KCNH8: variants seen among roughly 807,000 people sequenced by gnomAD.
KCNH8 encodes the protein voltage-gated delayed rectifier potassium channel KCNH8.
In KCNH8, 70 loss-of-function variants were observed where a neutral mutation model predicts 103.6. The ratio of observed to expected loss-of-function variants is 0.68; its 90% CI spans 0.56 to 0.82. The LOEUF is 0.82. Among genes scored for constraint, KCNH8 ranks in the 40% least tolerant of loss-of-function variants. The probability of loss-of-function intolerance (pLI) is 0.00; values close to 1 mark genes in which losing one functional copy is unlikely to be tolerated. For missense variants in KCNH8, 1,217 were observed against 1,329.9 expected, an observed-to-expected ratio of 0.92 and a Z score of 1.32; for synonymous variants, 498 against 489.4, an observed-to-expected ratio of 1.02 and a Z score of -0.23.
At chr3:19,411,345 A>G (rs2066775720) in intron 7 of KCNH8, among the ~76,000 whole-genome samples, 1 of 152,108 alleles carries the variant, frequency 6.6e-6, no homozygotes, top group South Asian at 2.1e-4. Context: ...TGAAGAAACT[A>G]GGCATCAAAA....
At chr3:19,255,297 C>A (rs1000475194) in intron 2 of KCNH8, among the ~76,000 whole-genome samples, 12 of 152,100 alleles carry the variant, frequency 7.9e-5, no homozygotes, top group Admixed American at 3.3e-4. Flanking sequence ...GTGTTATTTT[C>A]TTATGGCAGC....
At chr3:19,397,669 TACTC>T (rs2066544240) in intron 7 of KCNH8, among the ~76,000 whole-genome samples, 2 of 151,728 alleles carry the variant, frequency 1.3e-5, no homozygotes, top group African/African-American at 4.8e-5. Flanking sequence ...TTGATAATCT[TACTC>T]ATTTATGATA....
At position 19,299,077 on chromosome 3, in the gene KCNH8, A is replaced by G. The variant is rs552375970; in HGVS notation, c.442+17748A>G. On this transcript the variant is annotated intron_variant, in intron 3 of 15. Transcript: ENST00000328405. ...TTGAAGACACCAGCATAAATCTGGG[A>G]CAACTGAAAGGTGACACTGACAGTG... 7.6e-4 allele frequency among the ~76,000 whole-genome samples: 115 copies of G among 152,264 alleles called. No homozygotes were observed. The Middle Eastern group carries it at 0.01, about 14-fold the overall frequency.
chr3:19,500,918 A>C (rs554179932), intron 11 of KCNH8, among the ~76,000 whole-genome samples: 6 of 152,328 alleles, frequency 3.9e-5, no homozygotes, highest in African/African-American at 1.2e-4. Flanking sequence ...GCAAGAAATA[A>C]CTAAGATCAG....
chr3:19,329,720 A>G (rs908101179), intron 3 of KCNH8, among the ~76,000 whole-genome samples: 1 of 152,180 alleles, frequency 6.6e-6, no homozygotes, highest in African/African-American at 2.4e-5. Flanking sequence ...GATGTTAGGG[A>G]TAGCACTAAG....
At chr3:19,373,627 T>C (rs1395317112) in intron 5 of KCNH8, among the ~76,000 whole-genome samples, 1 of 152,112 alleles carries the variant, frequency 6.6e-6, no homozygotes, top group Non-Finnish European at 1.5e-5. Flanking sequence ...GCTCTGATCT[T>C]AGTTATTTCT....
intron 8 of KCNH8, among the ~76,000 whole-genome samples, chr3:19,440,632 A>T (rs1048242705): frequency 1.3e-5 from 2 of 152,094 alleles, no homozygotes; most frequent in African/African-American, 4.8e-5. Flanking sequence ...TCCCCACAAC[A>T]CGTGGGGATT....
Position 19,533,566 on chromosome 3 carries a change from C to CA in KCNH8, c.2792dup (p.His931GlnfsTer21). 1 of 1,614,190 alleles carries CA rather than the reference C, an allele frequency of 6.2e-7. No homozygotes were observed. The highest frequency in any genetic ancestry group is 8.5e-7 in the Non-Finnish European group (1 of 1,180,040). ...ACAGACCAGAACGAGCTGGAGTGCACACCAGCCTTGCCTACACTTGCAAAC... is the reference window on the plus strand; with the variant it reads ...ACAGACCAGAACGAGCTGGAGTGCACAACCAGCCTTGCCTACACTTGCAAAC... On this transcript the variant is annotated frameshift_variant, in exon 16 of 16. Transcript: ENST00000328405. LOFTEE classifies it high-confidence loss of function.
At chr3:19,283,507 C>T (rs901790242) in intron 3 of KCNH8, among the ~76,000 whole-genome samples, 3 of 151,988 alleles carry the variant, frequency 2.0e-5, no homozygotes, top group African/African-American at 7.2e-5. Flanking sequence ...AACATTATCT[C>T]ATATAAAAAT....
At chr3:19,279,011 CG>C (rs1240930318) in intron 2 of KCNH8, among the ~76,000 whole-genome samples, 1 of 152,092 alleles carries the variant, frequency 6.6e-6, no homozygotes, top group Non-Finnish European at 1.5e-5. Flanking sequence ...TTAATAGCCT[CG>C]GTTATGATTT....
chr3:19,315,829 A>G (rs1230133906), intron 3 of KCNH8, among the ~76,000 whole-genome samples: 1 of 151,968 alleles, frequency 6.6e-6, no homozygotes, highest in African/African-American at 2.4e-5. Context: ...TTTTCTTTTA[A>G]GGAAAAAAAT....
chr3:19,470,528 T>C (rs1000121069), intron 11 of KCNH8, among the ~76,000 whole-genome samples: 3 of 152,212 alleles, frequency 2.0e-5, no homozygotes, highest in Non-Finnish European at 1.5e-5. Context: ...GTAAAGACTC[T>C]GAGTGGTTCA....
At chr3:19,389,491 C>G (rs1480613808) in intron 5 of KCNH8, among the ~76,000 whole-genome samples, 1 of 152,042 alleles carries the variant, frequency 6.6e-6, no homozygotes, top group Non-Finnish European at 1.5e-5. Flanking sequence ...AAGAAACTAC[C>G]AGTACTTTGT....
chr3:19,342,533 C>T, intron 3 of KCNH8, 54 bp from the exon 4 acceptor site: 1 of 1,553,932 alleles, frequency 6.4e-7, no homozygotes. Context: ...AAATGACATT[C>T]TTGAGGTGAA....
intron 1 of KCNH8, among the ~76,000 whole-genome samples, chr3:19,194,948 A>G (rs917340299): frequency 7.2e-5 from 11 of 151,920 alleles, no homozygotes; most frequent in Admixed American, 6.6e-5. Context: ...AAAAGTTATA[A>G]CATATAGTTA....
At chr3:19,204,443 T>C (rs2063694041) in intron 1 of KCNH8, among the ~76,000 whole-genome samples, 1 of 151,920 alleles carries the variant, frequency 6.6e-6, no homozygotes, top group Non-Finnish European at 1.5e-5. Flanking sequence ...AGAGAGAGTG[T>C]CTGTGTGTGT....
chr3:19,473,597 A>G (rs1193853047), intron 11 of KCNH8, among the ~76,000 whole-genome samples: 2 of 152,202 alleles, frequency 1.3e-5, no homozygotes, highest in African/African-American at 2.4e-5. Context: ...CCACTCCACT[A>G]TCATTTCAAA....
chr3:19,376,137 C>G (rs188588046), intron 5 of KCNH8, among the ~76,000 whole-genome samples: 478 of 151,338 alleles, frequency 3.2e-3, no homozygotes, highest in Non-Finnish European at 4.7e-3. Context: ...CCAGTTCGAG[C>G]GTCCAGGCTG....
intron 11 of KCNH8, among the ~76,000 whole-genome samples, chr3:19,495,620 G>C (rs1301624613): frequency 6.6e-6 from 1 of 152,086 alleles, no homozygotes; most frequent in Non-Finnish European, 1.5e-5. Flanking sequence ...TTGTAATATA[G>C]CTTGAAGTCA....
Sources: allele counts gnomAD v4.1 joint callset (sites outside exome capture counted in the v4.1 genomes callset), GRCh38; gene constraint gnomAD v4.1.1; transcripts MANE v1.5; gene names NCBI Gene and HGNC (gene_info 2026-07-23, HGNC 2026-07-21).